Variants in TENM3 observed in about 807,000 individuals in gnomAD.
TENM3 encodes the protein teneurin transmembrane protein 3.
A neutral mutation model predicts 255.1 loss-of-function variants in TENM3; 63 were observed. The observed-to-expected ratio is 0.25, with a 90% CI of 0.20 to 0.30. TENM3 has a LOEUF of 0.30. Ranked by LOEUF, TENM3 falls within the 10% of genes least tolerant of loss-of-function variation. The pLI is 1.00. For missense variants in TENM3, 2,929 were observed against 3,461.1 expected, an observed-to-expected ratio of 0.85 and a Z score of 3.86; for synonymous variants, 1,306 against 1,322.3, an observed-to-expected ratio of 0.99 and a Z score of 0.27.
the TENM3 span, among the ~76,000 whole-genome samples, chr4:181,868,747 G>A: frequency 6.6e-6 from 1 of 152,100 alleles, no homozygotes; most frequent in Non-Finnish European, 1.5e-5. Context: ...GAAGAGAGAG[G>A]TAGATCAGCA....
At chr4:181,909,799 C>T in the TENM3 span, among the ~76,000 whole-genome samples, 1 of 152,158 alleles carries the variant, frequency 6.6e-6, no homozygotes, top group Admixed American at 6.5e-5. Flanking sequence ...ATAGCATTAA[C>T]CTACGCAATA....
chr4:181,467,121 A>ATTTTTTTTT, the TENM3 span, among the ~76,000 whole-genome samples: 10 of 20,372 alleles, frequency 4.9e-4, no homozygotes, highest in Admixed American at 3.1e-3. Context: ...ATATATATAT[A>ATTTTTTTTT]TATATTTTTT....
chr4:181,891,657 T>A, the TENM3 span, among the ~76,000 whole-genome samples: 2 of 152,214 alleles, frequency 1.3e-5, no homozygotes, highest in African/African-American at 4.8e-5. Flanking sequence ...ACCTATATGC[T>A]CATTATTAAA....
chr4:182,522,561 GTTTTCTTTCTT>G (rs1476123559), intron 3 of TENM3, among the ~76,000 whole-genome samples: 1 of 152,018 alleles, frequency 6.6e-6, no homozygotes, highest in Non-Finnish European at 1.5e-5. Flanking sequence ...TATATACCAC[GTTTTCTTTCTT>G]TTTTAAAAAA....
chr4:182,659,168 T>G (rs1311039963), intron 6 of TENM3, among the ~76,000 whole-genome samples: 1 of 152,096 alleles, frequency 6.6e-6, no homozygotes, highest in Non-Finnish European at 1.5e-5. Flanking sequence ...CTTTGGAAAA[T>G]ACAATTGCCA....
At chr4:182,193,234 G>C (rs1753630720) in intron 1 of TENM3, among the ~76,000 whole-genome samples, 1 of 152,294 alleles carries the variant, frequency 6.6e-6, no homozygotes. Flanking sequence ...TATGTCACGA[G>C]TATAAAAATG....
the TENM3 span, among the ~76,000 whole-genome samples, chr4:181,856,972 G>T: frequency 6.6e-6 from 1 of 152,304 alleles, no homozygotes; most frequent in African/African-American, 2.4e-5. Context: ...TTGACAGATA[G>T]TTATTGACCA....
intron 1 of TENM3, among the ~76,000 whole-genome samples, chr4:182,179,904 A>AT (rs1443690915): frequency 1.3e-5 from 2 of 151,972 alleles, no homozygotes; most frequent in Non-Finnish European, 2.9e-5. Context: ...CACCTTTGTC[A>AT]TTTTTTCAGA....
At chr4:182,540,113 A>C (rs1408925522) in intron 3 of TENM3, among the ~76,000 whole-genome samples, 1 of 152,250 alleles carries the variant, frequency 6.6e-6, no homozygotes, top group East Asian at 1.9e-4. Context: ...GTTTGATTTG[A>C]ATGTAAACCT....
intron 24 of TENM3, among the ~76,000 whole-genome samples, 193 bp downstream of exon 24, chr4:182,775,346 G>A (rs917253490): frequency 5.3e-5 from 8 of 152,150 alleles, no homozygotes; most frequent in South Asian, 4.1e-4. Flanking sequence ...AGGTCAGGTC[G>A]TGAGAGGGCT....
At chr4:181,623,930 C>T in the TENM3 span, among the ~76,000 whole-genome samples, 2 of 152,114 alleles carry the variant, frequency 1.3e-5, no homozygotes, top group South Asian at 4.1e-4. Flanking sequence ...TGATAGAATA[C>T]CTGTGATTTG....
chr4:181,931,443 G>A, the TENM3 span, among the ~76,000 whole-genome samples: 2 of 152,032 alleles, frequency 1.3e-5, no homozygotes, highest in Non-Finnish European at 2.9e-5. Context: ...AAATACCTAG[G>A]AATACAACTT....
intron 1 of TENM3, among the ~76,000 whole-genome samples, chr4:182,290,939 G>A (rs922173517): frequency 6.6e-6 from 1 of 152,162 alleles, no homozygotes; most frequent in African/African-American, 2.4e-5. Context: ...TCCTGCCTCA[G>A]TCTCCTGAGT....
At chr4:181,884,232 G>C in the TENM3 span, among the ~76,000 whole-genome samples, 1 of 152,032 alleles carries the variant, frequency 6.6e-6, no homozygotes, top group Non-Finnish European at 1.5e-5. Context: ...AATAATGCAT[G>C]CTAAACTGAC....
At chr4:182,312,670 T>C (rs1193601005) in intron 1 of TENM3, among the ~76,000 whole-genome samples, 5 of 152,196 alleles carry the variant, frequency 3.3e-5, no homozygotes, top group Admixed American at 6.5e-5. Context: ...GAAGCGCAGG[T>C]GAAAAAAGTA....
the TENM3 span, among the ~76,000 whole-genome samples, chr4:181,849,351 T>C: frequency 1.1e-4 from 17 of 152,224 alleles, no homozygotes; most frequent in Middle Eastern, 3.2e-3. Context: ...TTGTAAATTG[T>C]GTGACTATAA....
chr4:181,751,184 G>A, the TENM3 span, among the ~76,000 whole-genome samples: 10 of 151,998 alleles, frequency 6.6e-5, no homozygotes, highest in Non-Finnish European at 1.2e-4. Flanking sequence ...TAGAGATTCA[G>A]GGTCATTTAC....
chr4:181,448,466 C>T, the TENM3 span, among the ~76,000 whole-genome samples: 3 of 151,970 alleles, frequency 2.0e-5, no homozygotes, highest in East Asian at 5.8e-4. Flanking sequence ...CCACCGCGCC[C>T]GGCCGAAATC....
chr4:182,112,976 A>G, the TENM3 span, among the ~76,000 whole-genome samples: 1 of 152,204 alleles, frequency 6.6e-6, no homozygotes, highest in Non-Finnish European at 1.5e-5. Flanking sequence ...GTATTTAATA[A>G]TGTTATTAAA....
Sources: gnomAD v4.1 joint callset for allele counts (sites outside exome capture counted in the v4.1 genomes callset) on GRCh38, gnomAD v4.1.1 for gene constraint, MANE v1.5 for transcripts, NCBI Gene and HGNC (gene_info 2026-07-23, HGNC 2026-07-21) for gene names.